AGBL4: variants seen among roughly 807,000 people sequenced by gnomAD.
The protein encoded by AGBL4 is cytosolic carboxypeptidase 6.
A neutral mutation model predicts 66.4 loss-of-function variants in AGBL4; 58 were observed. That is an observed-to-expected ratio of 0.87 (90% confidence interval 0.71 to 1.09). The LOEUF (loss-of-function observed/expected upper bound fraction) is 1.09, where lower values mean the gene tolerates loss of function less well. AGBL4 is among the 50% of genes least tolerant of loss of function. The pLI, the probability that AGBL4 is intolerant of heterozygous loss-of-function variation, is 0.00. For synonymous variants in AGBL4, 234 were observed against 222.9 expected, an observed-to-expected ratio of 1.05 and a Z score of -0.44; for missense variants, 579 against 631.0, an observed-to-expected ratio of 0.92 and a Z score of 0.88.
intron 9 of AGBL4, among the ~76,000 whole-genome samples, chr1:48,601,812 T>C (rs1370235713): frequency 6.6e-6 from 1 of 152,110 alleles, no homozygotes; most frequent in South Asian, 2.1e-4. Context: ...TGCTTGATCC[T>C]CAACTTGGGA....
chr1:49,874,246 T>A (rs1646913958), intron 1 of AGBL4, among the ~76,000 whole-genome samples: 1 of 152,122 alleles, frequency 6.6e-6, no homozygotes, highest in South Asian at 2.1e-4. Flanking sequence ...ACTATAAAAC[T>A]TCTAGCACAG....
chr1:48,981,353 G>A lies in AGBL4; in HGVS notation c.594+64231C>T, dbSNP rs866021948. ...TATATGTTCTAAGGACTTTATGGGT[G>A]TAACTCATTTATTTCTCAAAATAAC... On this transcript the variant is annotated intron_variant, in intron 5 of 13. Coordinates refer to ENST00000371839, the MANE Select transcript of AGBL4 (RefSeq NM_032785.4). 2.1e-4 allele frequency among the ~76,000 whole-genome samples: 32 copies of A among 152,082 alleles called. 1 individual carries two copies. Among genetic ancestry groups the A allele is most frequent in the African/African-American group, 7.7e-4 (32 of 41,410 alleles).
intron 3 of AGBL4, among the ~76,000 whole-genome samples, chr1:49,455,183 T>C (rs980617146): frequency 3.3e-5 from 5 of 151,666 alleles, no homozygotes; most frequent in Non-Finnish European, 5.9e-5. Context: ...AAAGTATGTA[T>C]ATATGTTTAC....
chr1:49,761,252 AAAG>A (rs1043797064), intron 2 of AGBL4, among the ~76,000 whole-genome samples: 13 of 152,178 alleles, frequency 8.5e-5, no homozygotes, highest in Non-Finnish European at 1.3e-4. Flanking sequence ...TTTATTTTAA[AAAG>A]AAGGCTATCA....
At chr1:49,166,497 G>A (rs1228496891) in intron 4 of AGBL4, among the ~76,000 whole-genome samples, 4 of 152,028 alleles carry the variant, frequency 2.6e-5, no homozygotes, top group East Asian at 1.9e-4. Context: ...CGAGTCTCCC[G>A]GAACTCTAGT....
chr1:48,847,696 G>T (rs7539198), intron 6 of AGBL4, among the ~76,000 whole-genome samples: 130,065 of 152,166 alleles, frequency 0.85, 57,027 homozygotes, highest in Non-Finnish European at 0.96. Flanking sequence ...GGACAGAGAC[G>T]GTGTCTTTTT....
chr1:48,587,803 T>G (rs916073445), intron 10 of AGBL4, among the ~76,000 whole-genome samples: 2 of 151,270 alleles, frequency 1.3e-5, no homozygotes, highest in African/African-American at 4.9e-5. Context: ...CCACCACGAC[T>G]GGCTAATTTT....
intron 5 of AGBL4, among the ~76,000 whole-genome samples, chr1:48,984,447 A>G (rs1660013335): frequency 6.7e-6 from 1 of 149,776 alleles, no homozygotes; most frequent in African/African-American, 2.4e-5. Flanking sequence ...AGTATGTTTT[A>G]TCTTTCTTTA....
chr1:49,881,962 T>C (rs1406885218), intron 1 of AGBL4, among the ~76,000 whole-genome samples: 65 of 152,188 alleles, frequency 4.3e-4, no homozygotes, highest in Admixed American at 9.2e-4. Context: ...AGTCCTTGCC[T>C]GTGCCTATGT....
intron 5 of AGBL4, among the ~76,000 whole-genome samples, chr1:49,037,268 C>T (rs1301148980): frequency 6.6e-6 from 1 of 151,954 alleles, no homozygotes; most frequent in African/African-American, 2.4e-5. Flanking sequence ...ATGTAGTCTT[C>T]GTGGTTTTCC....
At chr1:48,801,984 C>A (rs552875953) in intron 6 of AGBL4, among the ~76,000 whole-genome samples, 1 of 151,800 alleles carries the variant, frequency 6.6e-6, no homozygotes, top group Non-Finnish European at 1.5e-5. Flanking sequence ...TTTCTAACAT[C>A]GTCTTCCCCA....
intron 3 of AGBL4, among the ~76,000 whole-genome samples, chr1:49,524,052 T>A (rs1650472044): frequency 6.6e-6 from 1 of 152,074 alleles, no homozygotes; most frequent in Non-Finnish European, 1.5e-5. Context: ...ACACATTGTG[T>A]CATTTAACCC....
chr1:49,603,929 TACACACAC>T (rs60862640), intron 3 of AGBL4, among the ~76,000 whole-genome samples: 56,146 of 140,408 alleles, frequency 0.4, 12,340 homozygotes, highest in Non-Finnish European at 0.5. Flanking sequence ...TTCCATGGTA[TACACACAC>T]ACACACACAC....
At chr1:49,433,228 G>T (rs1199694744) in intron 3 of AGBL4, among the ~76,000 whole-genome samples, 2 of 152,162 alleles carry the variant, frequency 1.3e-5, no homozygotes, top group Non-Finnish European at 2.9e-5. Context: ...CAAACCCAAA[G>T]AGAGGGTCAT....
intron 4 of AGBL4, among the ~76,000 whole-genome samples, chr1:49,062,227 C>T (rs1644415670): frequency 6.6e-6 from 1 of 152,140 alleles, no homozygotes; most frequent in Admixed American, 6.5e-5. Context: ...AGGCTGGGGA[C>T]CACTGCTCTA....
chr1:49,922,688 A>G (rs1055828855), intron 1 of AGBL4, among the ~76,000 whole-genome samples: 7 of 152,200 alleles, frequency 4.6e-5, no homozygotes, highest in African/African-American at 1.7e-4. Context: ...CCAAGAGCCA[A>G]ATCAGGAACA....
At chr1:49,542,177 A>G (rs1456298906) in intron 3 of AGBL4, among the ~76,000 whole-genome samples, 1 of 152,166 alleles carries the variant, frequency 6.6e-6, no homozygotes, top group Admixed American at 6.5e-5. Flanking sequence ...AAATGGACCA[A>G]TCAGTAGGAT....
chr1:49,176,553 G>A (rs1232729161), intron 4 of AGBL4, among the ~76,000 whole-genome samples: 1 of 152,094 alleles, frequency 6.6e-6, no homozygotes, highest in Non-Finnish European at 1.5e-5. Flanking sequence ...TCATACAAAC[G>A]ATGGAAGCAA....
chr1:49,508,482 T>C (rs1193461290), intron 3 of AGBL4, among the ~76,000 whole-genome samples: 1 of 151,982 alleles, frequency 6.6e-6, no homozygotes, highest in East Asian at 1.9e-4. Flanking sequence ...AAGTAGGCTC[T>C]GACTGTGAAA....
Sources: gnomAD v4.1 joint callset for allele counts (sites outside exome capture counted in the v4.1 genomes callset) on GRCh38, gnomAD v4.1.1 for gene constraint, MANE v1.5 for transcripts, NCBI Gene and HGNC (gene_info 2026-07-23, HGNC 2026-07-21) for gene names.